Variants in NREP observed in about 807,000 individuals in gnomAD.
NREP encodes the protein neuronal regeneration-related protein.
NREP carries 5 observed loss-of-function variants against 8.6 expected under a neutral mutation model. That is an observed-to-expected ratio of 0.58 (90% CI 0.30 to 1.22). NREP has a LOEUF of 1.22. Ranked by LOEUF, NREP falls within the 50% of genes most tolerant of loss-of-function variation. The pLI, the probability that NREP is intolerant of heterozygous loss-of-function variation, is 0.07. For synonymous variants in NREP, 27 were observed against 28.0 expected, an observed-to-expected ratio of 0.96 and a Z score of 0.11; for missense variants, 86 against 82.5, an observed-to-expected ratio of 1.04 and a Z score of -0.17.
At chr5:111,917,589 A>G (rs907604793) in intron 2 of NREP, among the ~76,000 whole-genome samples, 2 of 152,200 alleles carry the variant, frequency 1.3e-5, no homozygotes, top group African/African-American at 2.4e-5. Context: ...CATCACATAA[A>G]CAGAACCAAT....
intron 2 of NREP, among the ~76,000 whole-genome samples, chr5:111,965,792 A>T (rs1292361465): frequency 1.3e-5 from 2 of 152,190 alleles, no homozygotes; most frequent in African/African-American, 2.4e-5. Context: ...TACCTCATAA[A>T]TGTGTATGTA....
intron 2 of NREP, among the ~76,000 whole-genome samples, chr5:111,926,727 C>T (rs147742120): frequency 8.8e-4 from 134 of 152,050 alleles, no homozygotes; most frequent in Non-Finnish European, 1.6e-3. Flanking sequence ...GAAGAAAAGA[C>T]GTCCCTTAGT....
chr5:111,873,345 C>T (rs1437499967), intron 2 of NREP, among the ~76,000 whole-genome samples: 1 of 152,118 alleles, frequency 6.6e-6, no homozygotes, highest in Admixed American at 6.5e-5. Flanking sequence ...AACTTATTAT[C>T]TAATTGCTAT....
At chr5:111,928,524 A>T (rs1755451490) in intron 2 of NREP, among the ~76,000 whole-genome samples, 1 of 152,130 alleles carries the variant, frequency 6.6e-6, no homozygotes, top group African/African-American at 2.4e-5. Flanking sequence ...TTTAGAAGAG[A>T]TAGAGAAGGC....
chr5:111,880,465 T>C (rs1168242389), intron 2 of NREP, among the ~76,000 whole-genome samples: 2 of 152,170 alleles, frequency 1.3e-5, no homozygotes, highest in Admixed American at 1.3e-4. Flanking sequence ...GGCTTGCAGA[T>C]GGCATGGCTA....
In NREP at chr5:111,967,933, GAAC is replaced by G. The variant is rs79989013; in HGVS notation, c.135+7338_135+7340del. Among the ~76,000 whole-genome samples the G allele has an allele frequency of 0.012, 1,852 of 152,202 alleles. 158 individuals are homozygous for G. In the East Asian group the frequency reaches 0.22, roughly 18 times the overall value. On this transcript the variant is annotated intron_variant, in intron 2 of 3. Coordinates refer to the NREP transcript ENST00000395634. ...AAATTGCTTCTACCATGGATGAGCA[GAAC>G]AATAGCAGAAACTCCTATTAGGTTG...
rs562909293 is a variant in NREP, at chr5:111,881,496, C to T, written c.135+93778G>A. 6.3e-3 allele frequency among the ~76,000 whole-genome samples: 964 copies of T among 152,288 alleles called. 16 individuals are homozygous for T. Among genetic ancestry groups the T allele is most frequent in the African/African-American group, 0.022 (922 of 41,560 alleles). On this transcript the variant is annotated intron_variant, in intron 2 of 3. Transcript: ENST00000395634. ...GAGCAGTGGTTCTCCCAGAACGCAGCTGGAGATCTGAGAATGGGCAGACTG... is the reference window on the plus strand; with the variant it reads ...GAGCAGTGGTTCTCCCAGAACGCAGTTGGAGATCTGAGAATGGGCAGACTG...
intron 2 of NREP, among the ~76,000 whole-genome samples, chr5:111,766,710 T>TA (rs1751093439): frequency 6.6e-6 from 1 of 152,174 alleles, no homozygotes; most frequent in Admixed American, 6.5e-5. Context: ...GCTTCCTCCC[T>TA]ACAACCTCAG....
chr5:111,836,146 C>G (rs987974756), intron 2 of NREP, among the ~76,000 whole-genome samples: 1 of 152,092 alleles, frequency 6.6e-6, no homozygotes, highest in Non-Finnish European at 1.5e-5. Context: ...ATTCTCCTTT[C>G]AAAGAGTTTG....
intron 2 of NREP, among the ~76,000 whole-genome samples, chr5:111,843,531 C>A (rs2112951893): frequency 6.6e-6 from 1 of 152,060 alleles, no homozygotes; most frequent in East Asian, 1.9e-4. Context: ...CTTTTTCAGG[C>A]AGTTTGTAGA....
chr5:111,878,014 G>C (rs1281395393), intron 2 of NREP, among the ~76,000 whole-genome samples: 1 of 152,178 alleles, frequency 6.6e-6, no homozygotes, highest in African/African-American at 2.4e-5. Context: ...AGTTTAAACG[G>C]TGGGTAACTC....
intron 2 of NREP, among the ~76,000 whole-genome samples, chr5:111,861,443 A>G (rs1367739998): frequency 6.6e-6 from 1 of 152,160 alleles, no homozygotes; most frequent in African/African-American, 2.4e-5. Context: ...TGTTTTCAGG[A>G]AAGTCTTCCT....
At chr5:111,975,468 T>C (rs1756937233) in intron 1 of NREP, 1 of 828,034 alleles carries the variant, frequency 1.2e-6, no homozygotes, top group African/African-American at 1.7e-5. Flanking sequence ...AGGAGGAGAA[T>C]GGGCATTGTT....
intron 2 of NREP, among the ~76,000 whole-genome samples, chr5:111,778,079 T>C (rs977323039): frequency 2.0e-5 from 3 of 152,070 alleles, no homozygotes; most frequent in Admixed American, 1.3e-4. Context: ...GCAGAAATCA[T>C]AGGATTTAGT....
chr5:111,755,871 C>A lies in NREP; in HGVS notation c.-58-41G>T. 7 of 1,605,980 alleles carry A rather than the reference C, an allele frequency of 4.4e-6. 1 individual carries two copies. In the South Asian group the frequency reaches 7.7e-5, roughly 18 times the overall value. On this transcript the variant is annotated intron_variant, in intron 1 of 3. Transcript: ENST00000257435. ...AAATACAGTAGACACATCGCCTCAC[C>A]ACAGGTCAGCAAACGAAAAATGCCT...
At chr5:111,917,352 C>T (rs150201475) in intron 2 of NREP, among the ~76,000 whole-genome samples, 15,224 of 152,152 alleles carry the variant, frequency 0.1, 1,163 homozygotes, top group African/African-American at 0.21. Context: ...CTCCCTAACT[C>T]ATTTTATGAG....
At chr5:111,743,413 G>A (rs529907742) in intron 2 of NREP, among the ~76,000 whole-genome samples, 1 of 152,208 alleles carries the variant, frequency 6.6e-6, no homozygotes, top group South Asian at 2.1e-4. Context: ...TCCCTGGAGT[G>A]GAACCAGAAT....
chr5:111,894,124 C>G (rs1183719698), intron 2 of NREP, among the ~76,000 whole-genome samples: 2 of 151,952 alleles, frequency 1.3e-5, no homozygotes, highest in Non-Finnish European at 2.9e-5. Context: ...GAGGCTGAGG[C>G]AGGAGAATTT....
intron 2 of NREP, among the ~76,000 whole-genome samples, chr5:111,799,715 C>A (rs543151901): frequency 6.6e-6 from 1 of 152,298 alleles, no homozygotes; most frequent in East Asian, 1.9e-4. Context: ...GCCTAGAGGA[C>A]ATAGTTACTT....
Sources: allele counts gnomAD v4.1 joint callset (sites outside exome capture counted in the v4.1 genomes callset), GRCh38; gene constraint gnomAD v4.1.1; transcripts MANE v1.5; gene names NCBI Gene and HGNC (gene_info 2026-07-23, HGNC 2026-07-21).